DTD1: variants seen among roughly 807,000 people sequenced by gnomAD.
The protein encoded by DTD1 is D-tyrosyl-tRNA deacylase 1 homolog.
In DTD1, 13 loss-of-function variants were observed where a neutral mutation model predicts 25.6. The observed-to-expected ratio is 0.51, with a 90% CI of 0.33 to 0.81. DTD1 has a LOEUF of 0.81. Among genes scored for constraint, DTD1 ranks in the 30% least tolerant of loss-of-function variants. DTD1 has a pLI of 0.02. For missense variants in DTD1, 193 were observed against 266.4 expected (o/e 0.72, Z 1.92); for synonymous variants, 110 against 103.6 (o/e 1.06, Z -0.37).
At chr20:18,675,297 T>C (rs1008711004) in intron 4 of DTD1, 7 of 152,452 alleles carry the variant, frequency 4.6e-5, no homozygotes, top group Non-Finnish European at 1.0e-4. Context: ...CTGTTGGTTA[T>C]GTAGGTCAGA....
At chr20:18,608,829 T>G (rs1416879145) in intron 3 of DTD1, among the ~76,000 whole-genome samples, 1 of 152,184 alleles carries the variant, frequency 6.6e-6, no homozygotes, top group Non-Finnish European at 1.5e-5. Flanking sequence ...AGAATAATGG[T>G]CCTGGTTTTC....
chr20:18,762,233 C>G (rs181046418), intron 5 of DTD1, among the ~76,000 whole-genome samples: 10 of 152,154 alleles, frequency 6.6e-5, no homozygotes, highest in African/African-American at 2.4e-4. Flanking sequence ...CATATTGAGT[C>G]GTATTGAAAT....
chr20:18,750,912 C>G (rs558634506), intron 5 of DTD1, among the ~76,000 whole-genome samples: 3 of 152,234 alleles, frequency 2.0e-5, no homozygotes, highest in South Asian at 2.1e-4. Context: ...GACTGGCACC[C>G]CACATTTCTG....
rs145611010 is a variant in DTD1, at chr20:18,665,462, A to T, written c.477+37229A>T. On this transcript the variant is annotated intron_variant, in intron 4 of 5. Coordinates refer to ENST00000377452, the MANE Select transcript of DTD1 (RefSeq NM_080820.6). ...GTGGAGTCAGACCTGCCTTTCCATC[A>T]GGCTCAGGAGCCTGGTGGTTCTGCC... 5.8e-4 allele frequency among the ~76,000 whole-genome samples: 89 copies of T among 152,304 alleles called. 1 individual carries two copies. The East Asian group carries it at 0.016, about 28-fold the overall frequency.
At chr20:18,589,010 C>G (rs1207384141) in intron 1 of DTD1, 2 of 459,860 alleles carry the variant, frequency 4.3e-6, no homozygotes, top group East Asian at 1.5e-4. Context: ...GTCCTTGGAG[C>G]CAGTCTGCAC....
intron 4 of DTD1, among the ~76,000 whole-genome samples, chr20:18,629,644 T>A (rs1336847987): frequency 6.6e-6 from 1 of 150,888 alleles, no homozygotes; most frequent in Non-Finnish European, 1.5e-5. Flanking sequence ...TTCTTTTTTG[T>A]TTCTGTATTA....
At chr20:18,629,883 G>C (rs1250194875) in intron 4 of DTD1, among the ~76,000 whole-genome samples, 2 of 151,886 alleles carry the variant, frequency 1.3e-5, no homozygotes, top group African/African-American at 4.8e-5. Context: ...TAAACAACCA[G>C]ATCTCATGAG....
rs564985046 is a variant in DTD1 at position 18,729,050 on chromosome 20, C to G, written c.478-15050C>G. ...ATAGGGTCTCACTCTGTTGCCCAGGCTAGAGTGCAGTGGTGCAGTCACGGC... is the reference window on the plus strand; with the variant it reads ...ATAGGGTCTCACTCTGTTGCCCAGGGTAGAGTGCAGTGGTGCAGTCACGGC... On this transcript the variant is annotated intron_variant, in intron 4 of 5. Transcript: ENST00000377452. Among the ~76,000 whole-genome samples the G allele has an allele frequency of 3.3e-5, 5 of 152,350 alleles. No individual in the cohort carries two copies. The South Asian group carries it at 8.3e-4, about 25-fold the overall frequency.
chr20:18,606,085 AAAAC>A (rs1290586957), intron 3 of DTD1, among the ~76,000 whole-genome samples: 13 of 103,578 alleles, frequency 1.3e-4, no homozygotes, highest in Admixed American at 9.0e-4. Context: ...TTACAAGAAA[AAAAC>A]AAACAACCCC....
chr20:18,734,017 T>C (rs2061247754), intron 4 of DTD1, among the ~76,000 whole-genome samples: 1 of 152,248 alleles, frequency 6.6e-6, no homozygotes, highest in Non-Finnish European at 1.5e-5. Flanking sequence ...TCACATAATA[T>C]GAAATTATAT....
chr20:18,733,542 G>A (rs1345401362), intron 4 of DTD1, among the ~76,000 whole-genome samples: 1 of 152,198 alleles, frequency 6.6e-6, no homozygotes, highest in Non-Finnish European at 1.5e-5. Flanking sequence ...TCTGAAACAA[G>A]CAACCACTAG....
At chr20:18,639,220 G>A (rs923526904) in intron 4 of DTD1, among the ~76,000 whole-genome samples, 1 of 148,350 alleles carries the variant, frequency 6.7e-6, no homozygotes, top group Non-Finnish European at 1.5e-5. Flanking sequence ...CAGGGAAGCA[G>A]TCTCCTTTTT....
chr20:18,718,202 G>T (rs1464949064), intron 4 of DTD1, among the ~76,000 whole-genome samples: 2 of 152,174 alleles, frequency 1.3e-5, no homozygotes, highest in Non-Finnish European at 2.9e-5. Flanking sequence ...CTTTATTAAA[G>T]ATATTTATTT....
intron 3 of DTD1, among the ~76,000 whole-genome samples, chr20:18,608,956 T>C (rs1167184660): frequency 6.6e-6 from 1 of 152,154 alleles, no homozygotes; most frequent in East Asian, 1.9e-4. Flanking sequence ...TCTTCAAGGT[T>C]ACTGGAAAAC....
intron 4 of DTD1, among the ~76,000 whole-genome samples, chr20:18,670,604 C>T (rs1000168033): frequency 2.6e-5 from 4 of 152,216 alleles, no homozygotes; most frequent in African/African-American, 9.6e-5. Flanking sequence ...AGTAGGCAGT[C>T]AACAAATATT....
intron 4 of DTD1, among the ~76,000 whole-genome samples, chr20:18,712,649 G>A (rs2061163922): frequency 6.6e-6 from 1 of 152,114 alleles, no homozygotes; most frequent in African/African-American, 2.4e-5. Context: ...CAATAAAGTA[G>A]CAGTGGGCCC....
At chr20:18,730,638 C>T (rs574811736) in intron 4 of DTD1, among the ~76,000 whole-genome samples, 5 of 152,294 alleles carry the variant, frequency 3.3e-5, no homozygotes, top group Non-Finnish European at 7.3e-5. Flanking sequence ...ATTTTGGATC[C>T]AGATAAGCTT....
intron 4 of DTD1, among the ~76,000 whole-genome samples, chr20:18,742,722 C>T (rs1165531835): frequency 1.3e-5 from 2 of 152,122 alleles, no homozygotes; most frequent in Admixed American, 1.3e-4. Flanking sequence ...TACTATAAGT[C>T]AATTATTAAT....
intron 4 of DTD1, chr20:18,631,209 C>G: frequency 1.0e-6 from 1 of 985,510 alleles, no homozygotes; most frequent in East Asian, 1.1e-4. Context: ...CAGCCTCTCC[C>G]TGGGGCCAGG....
Sources: gnomAD v4.1 joint callset for allele counts (sites outside exome capture counted in the v4.1 genomes callset) on GRCh38, gnomAD v4.1.1 for gene constraint, MANE v1.5 for transcripts, NCBI Gene and HGNC (gene_info 2026-07-23, HGNC 2026-07-21) for gene names.